The following CPQ variants were observed in gnomAD, a reference collection of about 807,000 sequenced individuals.
CPQ encodes Ser-Met dipeptidase.
Under a neutral mutation model 45.7 loss-of-function variants are expected in CPQ, and 37 were observed. That is an observed-to-expected ratio of 0.81 (90% CI 0.62 to 1.07). The LOEUF is 1.07. Among genes scored for constraint, CPQ ranks in the 50% least tolerant of loss-of-function variants. The pLI is 0.00. For missense variants in CPQ, 537 were observed against 572.9 expected (o/e 0.94, Z 0.64); for synonymous variants, 186 against 205.8 (o/e 0.90, Z 0.82).
At chr8:96,655,079 A>G (rs1815622979) in intron 1 of CPQ, among the ~76,000 whole-genome samples, 1 of 151,392 alleles carries the variant, frequency 6.6e-6, no homozygotes, top group Admixed American at 6.6e-5. Context: ...TGTTTGTTTT[A>G]TTTAAGATCA....
intron 7 of CPQ, among the ~76,000 whole-genome samples, chr8:97,112,050 C>G (rs1315302800): frequency 6.6e-6 from 1 of 152,116 alleles, no homozygotes; most frequent in Non-Finnish European, 1.5e-5. Context: ...CCTTATTTTC[C>G]CTTTCCAGCT....
rs78601396 is a variant in CPQ, at chr8:96,768,068, T to C, written c.-34-16796T>C. Among the ~76,000 whole-genome samples, 1,258 of 152,326 alleles carry C rather than the reference T, an allele frequency of 8.3e-3. 13 individuals are homozygous for C. Among genetic ancestry groups the C allele is most frequent in the Non-Finnish European group, 0.012 (810 of 68,026 alleles). On this transcript the variant is annotated intron_variant, in intron 1 of 7. Coordinates refer to ENST00000220763, the MANE Select transcript of CPQ (RefSeq NM_016134.4). Reference sequence around the variant, plus strand: ...CCAAGTATCTTCCTAATTCCTTTTTTTAAAGTTACCTTTTTAATTTCCTGC... The same window carrying C: ...CCAAGTATCTTCCTAATTCCTTTTTCTAAAGTTACCTTTTTAATTTCCTGC...
intron 1 of CPQ, among the ~76,000 whole-genome samples, chr8:96,704,658 C>T (rs1809510227): frequency 6.6e-6 from 1 of 151,998 alleles, no homozygotes; most frequent in East Asian, 1.9e-4. Flanking sequence ...TAGGAGAGGG[C>T]AGGATAGTCA....
At chr8:97,001,721 C>CTTTTTTTTTT (rs61282246) in intron 5 of CPQ, among the ~76,000 whole-genome samples, 541 of 92,022 alleles carry the variant, frequency 5.9e-3, no homozygotes, top group Middle Eastern at 0.01. Flanking sequence ...TTCTTTCTTT[C>CTTTTTTTTTT]TTTTTTTTTT....
rs180781237 is a variant in CPQ at position 96,779,667 on chromosome 8, A to G, written c.-34-5197A>G. Reference sequence around the variant, plus strand: ...CTAGAAATGTATTGTGAAATAGTTAATTAATGTTTGCAGAATGCTTAGAGA... The same window carrying G: ...CTAGAAATGTATTGTGAAATAGTTAGTTAATGTTTGCAGAATGCTTAGAGA... On this transcript the variant is annotated intron_variant, in intron 1 of 7. Transcript: ENST00000220763. 5.1e-3 allele frequency among the ~76,000 whole-genome samples: 783 copies of G among 152,314 alleles called. 3 individuals are homozygous for G. The highest frequency in any genetic ancestry group is 7.3e-3 in the Non-Finnish European group (497 of 68,014).
At chr8:96,946,454 TA>T (rs1813189941) in intron 4 of CPQ, among the ~76,000 whole-genome samples, 1 of 107,152 alleles carries the variant, frequency 9.3e-6, no homozygotes, top group Admixed American at 8.7e-5. Context: ...TTTAATTTTC[TA>T]TTTTTTTATT....
chr8:97,020,859 C>G (rs1809667388), intron 5 of CPQ, among the ~76,000 whole-genome samples: 1 of 152,000 alleles, frequency 6.6e-6, no homozygotes, highest in African/African-American at 2.4e-5. Context: ...GGAACAGTCC[C>G]TAAATCATTC....
chr8:96,725,739 A>G (rs1036472287), intron 1 of CPQ, among the ~76,000 whole-genome samples: 2 of 152,212 alleles, frequency 1.3e-5, no homozygotes, highest in African/African-American at 4.8e-5. Context: ...TTTGGTATAT[A>G]CCCAAAAGAA....
chr8:96,834,227 T>C (rs963804629), intron 2 of CPQ, among the ~76,000 whole-genome samples: 1 of 152,218 alleles, frequency 6.6e-6, no homozygotes, highest in African/African-American at 2.4e-5. Flanking sequence ...GCAAGTCTTA[T>C]GGTATGAGAA....
chr8:96,972,279 G>A (rs1045714315), intron 5 of CPQ, among the ~76,000 whole-genome samples: 1 of 152,118 alleles, frequency 6.6e-6, no homozygotes, highest in African/African-American at 2.4e-5. Flanking sequence ...AGTAGAGACA[G>A]CCATAATCCC....
At chr8:97,006,475 C>A (rs1013940276) in intron 5 of CPQ, among the ~76,000 whole-genome samples, 11 of 152,090 alleles carry the variant, frequency 7.2e-5, no homozygotes, top group Non-Finnish European at 1.3e-4. Flanking sequence ...CAAAGAAGTG[C>A]AAGGGAAATA....
At chr8:96,649,881 A>T (rs918939788) in intron 1 of CPQ, among the ~76,000 whole-genome samples, 1 of 152,226 alleles carries the variant, frequency 6.6e-6, no homozygotes, top group African/African-American at 2.4e-5. Context: ...AGTGAAGGAA[A>T]AAAGATTGGA....
At chr8:96,781,221 G>A (rs975535089) in intron 1 of CPQ, among the ~76,000 whole-genome samples, 5 of 152,172 alleles carry the variant, frequency 3.3e-5, no homozygotes, top group Non-Finnish European at 7.4e-5. Flanking sequence ...TGTTGTCTTA[G>A]TCTATTTTGT....
At chr8:96,918,354 C>T (rs961173019) in intron 4 of CPQ, among the ~76,000 whole-genome samples, 4 of 152,056 alleles carry the variant, frequency 2.6e-5, no homozygotes, top group African/African-American at 9.7e-5. Flanking sequence ...TTCTTTACAA[C>T]ATAGTTATTT....
intron 5 of CPQ, among the ~76,000 whole-genome samples, chr8:96,995,052 G>C (rs1415935025): frequency 2.0e-5 from 3 of 151,932 alleles, no homozygotes; most frequent in African/African-American, 7.2e-5. Flanking sequence ...AATCATACAG[G>C]TCTTGATAAC....
At chr8:96,768,900 A>T (rs1279993286) in intron 1 of CPQ, among the ~76,000 whole-genome samples, 1 of 152,212 alleles carries the variant, frequency 6.6e-6, no homozygotes, top group Non-Finnish European at 1.5e-5. Context: ...TATTCCTCAG[A>T]ACTTGTTATT....
chr8:97,063,939 G>A (rs141945359), intron 6 of CPQ, among the ~76,000 whole-genome samples: 1 of 152,132 alleles, frequency 6.6e-6, no homozygotes, highest in Non-Finnish European at 1.5e-5. Context: ...GGATTGCCTT[G>A]GCTATTTGGG....
At chr8:97,100,388 G>A (rs890131491) in intron 7 of CPQ, among the ~76,000 whole-genome samples, 2 of 152,082 alleles carry the variant, frequency 1.3e-5, no homozygotes, top group Non-Finnish European at 2.9e-5. Flanking sequence ...AGAGAGGAGC[G>A]GGCAAACCAG....
chr8:96,944,696 T>C (rs1441000626), intron 4 of CPQ, among the ~76,000 whole-genome samples: 1 of 152,190 alleles, frequency 6.6e-6, no homozygotes, highest in African/African-American at 2.4e-5. Context: ...CACATGTGGA[T>C]CTGAGTTTTA....
Sources: allele counts gnomAD v4.1 joint callset (sites outside exome capture counted in the v4.1 genomes callset), GRCh38; gene constraint gnomAD v4.1.1; transcripts MANE v1.5; gene names NCBI Gene and HGNC (gene_info 2026-07-23, HGNC 2026-07-21).